The following IQCE variants were observed in gnomAD, a reference collection of about 807,000 sequenced individuals.
IQCE encodes IQ motif containing E.
In IQCE, 115 loss-of-function variants were observed where a neutral mutation model predicts 96.0. That is an observed-to-expected ratio of 1.20 (90% CI 1.03 to 1.40). IQCE has a LOEUF of 1.40. Ranked by LOEUF, IQCE falls within the 40% of genes most tolerant of loss-of-function variation. IQCE has a pLI of 0.00. For missense variants in IQCE, 1,041 were observed against 909.1 expected, an observed-to-expected ratio of 1.15 and a Z score of -1.87; for synonymous variants, 412 against 371.2, an observed-to-expected ratio of 1.11 and a Z score of -1.26.
In IQCE at chr7:2,605,967, T is replaced by A. The variant is rs781022261; in HGVS notation, c.1835T>A (p.Leu612Gln). 1 of 1,610,298 alleles carries A rather than the reference T, an allele frequency of 6.2e-7. No individual in the cohort carries two copies. Among genetic ancestry groups the A allele is most frequent in the South Asian group, 1.1e-5 (1 of 90,388 alleles). ...EEAIVIIQSA[L>Q]RAHLARARHS... ...GCCATCGTCATCATCCAGTCCGCTC[T>A]GCGGGCACACCTGGCCCGGGCCAGG... The change falls in exon 20 of 22, where the codon CTG becomes CAG. Residue 612 changes from leucine to glutamine, a missense_variant. Coordinates refer to ENST00000402050, the MANE Select transcript of IQCE (RefSeq NM_152558.5).
At chr7:2,580,812 A>G (rs1782606641) in intron 8 of IQCE, among the ~76,000 whole-genome samples, 2 of 152,242 alleles carry the variant, frequency 1.3e-5, no homozygotes, top group Non-Finnish European at 2.9e-5. Context: ...GAATGCACAC[A>G]CACGGCCATG....
At chr7:2,582,042 T>G (rs1782710077) in intron 8 of IQCE, 1 of 468,432 alleles carries the variant, frequency 2.1e-6, no homozygotes, top group Non-Finnish European at 4.4e-6. Flanking sequence ...TATAAGAATA[T>G]TGTCTCCTCT....
At chr7:2,560,133 A>T (rs972854332) in intron 1 of IQCE, among the ~76,000 whole-genome samples, 1 of 151,372 alleles carries the variant, frequency 6.6e-6, no homozygotes, top group African/African-American at 2.4e-5. Flanking sequence ...CCAAGGCCTG[A>T]GAGACAGAGT....
chr7:2,602,161 G>A (rs1256599497), intron 18 of IQCE, among the ~76,000 whole-genome samples: 1 of 152,338 alleles, frequency 6.6e-6, no homozygotes, highest in Non-Finnish European at 1.5e-5. Flanking sequence ...GACATGCAAG[G>A]TGGGCCTCGC....
intron 14 of IQCE, among the ~76,000 whole-genome samples, chr7:2,590,626 C>T (rs931184057): frequency 3.3e-5 from 5 of 151,998 alleles, no homozygotes; most frequent in African/African-American, 4.8e-5. Flanking sequence ...ATTAACTGGG[C>T]GTGGTGGCTC....
Position 2,602,521 on chromosome 7 carries a change from C to T in IQCE, c.1632+1057C>T, listed in dbSNP as rs141012867. Reference sequence around the variant, plus strand: ...TGGCGCTGGGCCACAGGGCTTCTCACGCTGCCTTCCTCCTCACCCACAGCT... The same window carrying T: ...TGGCGCTGGGCCACAGGGCTTCTCATGCTGCCTTCCTCCTCACCCACAGCT... On this transcript the variant is annotated intron_variant, in intron 18 of 21. Transcript: ENST00000402050. Among the ~76,000 whole-genome samples, 787 of 152,312 alleles carry T rather than the reference C, an allele frequency of 5.2e-3. 4 individuals are homozygous for T. The highest frequency in any genetic ancestry group is 0.017 in the African/African-American group (717 of 41,558).
chr7:2,572,318 C>A lies in IQCE; in HGVS notation c.386C>A (p.Ala129Asp). Residue 129 changes from alanine (A) to aspartate (D), a missense_variant, in exon 5 of 22, where the codon GCC (alanine) becomes GAC (aspartate). Physicochemically the swap from Ala to Asp is moderately radical, Grantham distance 126 (BLOSUM62 -2). Transcript: ENST00000402050. ...AAGAGGCCACATCTCAGGCGCTCTG[C>A]CAGCAACGGTGAGCATGCCGATGGT... is the stretch of plus-strand genomic sequence containing the variant. ...RVKRPHLRRS[A>D]SNGHVPGTPV... The A allele has an allele frequency of 1.2e-6, 2 of 1,613,770 alleles. No homozygotes were observed. The highest frequency in any genetic ancestry group is 1.7e-6 in the Non-Finnish European group (2 of 1,179,842).
At chr7:2,598,765 G>GAAAATGAA (rs1784241728) in intron 17 of IQCE, 133 bp downstream of exon 17, 1 of 742,194 alleles carries the variant, frequency 1.3e-6, no homozygotes, top group South Asian at 3.7e-5. Flanking sequence ...GTAACATACA[G>GAAAATGAA]AAAATGAAAA....
chr7:2,593,606 C>T (rs1162674497), intron 15 of IQCE, among the ~76,000 whole-genome samples: 6 of 152,248 alleles, frequency 3.9e-5, no homozygotes, highest in Admixed American at 6.5e-5. Flanking sequence ...CCCTGGAAAA[C>T]CTGGTGCTCG....
intron 5 of IQCE, among the ~76,000 whole-genome samples, chr7:2,573,009 T>A (rs1170875952): frequency 6.6e-6 from 1 of 152,254 alleles, no homozygotes; most frequent in East Asian, 1.9e-4. Flanking sequence ...ATACTAGGTA[T>A]CATTAAAACC....
At chr7:2,574,590 G>A (rs1162380774) in intron 6 of IQCE, among the ~76,000 whole-genome samples, 4 of 152,238 alleles carry the variant, frequency 2.6e-5, no homozygotes, top group South Asian at 2.1e-4. Context: ...GGAAGACTGC[G>A]CTGAATGAAC....
chr7:2,607,329 A>C (rs1434957457), intron 21 of IQCE, 102 bp downstream of exon 21: 2 of 1,520,322 alleles, frequency 1.3e-6, no homozygotes, highest in Non-Finnish European at 1.8e-6. Flanking sequence ...GTCGGGACGG[A>C]AGGGAGGAGT....
intron 12 of IQCE, 141 bp downstream of exon 12, chr7:2,586,512 G>A: frequency 2.3e-6 from 2 of 872,374 alleles, no homozygotes; most frequent in Non-Finnish European, 3.4e-6. Flanking sequence ...TCCCACATGT[G>A]CCAGCACCTG....
At chr7:2,567,294 C>A in intron 2 of IQCE, 131 bp downstream of exon 2, 1 of 742,332 alleles carries the variant, frequency 1.3e-6, no homozygotes. Context: ...ATTCCGAATG[C>A]TCCTTGGTGT....
At chr7:2,572,081 G>A (rs1330585436) in intron 4 of IQCE, 111 bp from the exon 5 acceptor site, 15 of 1,155,806 alleles carry the variant, frequency 1.3e-5, no homozygotes, top group Non-Finnish European at 1.9e-5. Flanking sequence ...CTGACGGCTG[G>A]CGTCTATCAG....
intron 6 of IQCE, among the ~76,000 whole-genome samples, chr7:2,573,780 G>A (rs144292457): frequency 4.6e-5 from 7 of 152,278 alleles, no homozygotes; most frequent in African/African-American, 7.2e-5. Context: ...GTCGCCTTGC[G>A]TCCTGAGATT....
intron 1 of IQCE, among the ~76,000 whole-genome samples, chr7:2,559,766 G>T (rs982906416): frequency 7.7e-5 from 1 of 13,064 alleles, no homozygotes; most frequent in Non-Finnish European, 1.4e-4. Flanking sequence ...GCATTCCAGT[G>T]GGGGGGGGGG....
chr7:2,600,157 T>C (rs1784338904), intron 17 of IQCE, among the ~76,000 whole-genome samples: 1 of 152,168 alleles, frequency 6.6e-6, no homozygotes, highest in South Asian at 2.1e-4. Flanking sequence ...TTACAGAACG[T>C]TCCCTTTCCT....
chr7:2,559,209 T>C lies in IQCE; in HGVS notation c.28T>C (p.Leu10=). 6 of 1,216,084 alleles carry C rather than the reference T, an allele frequency of 4.9e-6. No homozygotes were observed. The highest frequency in any genetic ancestry group is 6.1e-6 in the Non-Finnish European group (6 of 976,896). 75.3% of individuals were successfully genotyped at this position (1,216,084 alleles called of 1,614,324 possible). A position where few individuals can be genotyped will look rare whatever the true frequency, so the allele number is the denominator to read the frequency against. ...GTTCCTGGGCACCGGGGAGCCGGCC[T>C]TGGACACGGTAAGAACGGGCGAGGG... The part of the protein sequence containing the change: MFLGTGEPA[L]DTGDDSLSAV... Residue 10 remains leucine, a synonymous_variant, in exon 1 of 22, where the codon TTG becomes CTG. Transcript: ENST00000402050.
Sources: allele counts gnomAD v4.1 joint callset (sites outside exome capture counted in the v4.1 genomes callset), GRCh38; gene constraint gnomAD v4.1.1; transcripts MANE v1.5; gene names NCBI Gene and HGNC (gene_info 2026-07-23, HGNC 2026-07-21).